TADA2B: variants seen among roughly 807,000 people sequenced by gnomAD.
The protein encoded by TADA2B is transcriptional adaptor 2B, also known as transcriptional adapter 2-beta.
A neutral mutation model predicts 34.5 loss-of-function variants in TADA2B; 13 were observed. The observed-to-expected ratio is 0.38, with a 90% CI of 0.25 to 0.60. TADA2B has a LOEUF of 0.60. Ranked by LOEUF, TADA2B falls within the 20% of genes least tolerant of loss-of-function variation. The pLI is 0.65. For synonymous variants in TADA2B, 240 were observed against 243.4 expected, an observed-to-expected ratio of 0.99 and a Z score of 0.13; for missense variants, 442 against 575.0, an observed-to-expected ratio of 0.77 and a Z score of 2.37.
chr4:7,048,334 C>T (rs1188264087), intron 1 of TADA2B, among the ~76,000 whole-genome samples: 1 of 152,022 alleles, frequency 6.6e-6, no homozygotes, highest in East Asian at 1.9e-4. Flanking sequence ...GCAGGGCACG[C>T]AGAGGTGGTC....
chr4:7,048,021 A>C (rs540502933), intron 1 of TADA2B, among the ~76,000 whole-genome samples: 2 of 152,208 alleles, frequency 1.3e-5, no homozygotes, highest in African/African-American at 2.4e-5. Flanking sequence ...TTTCAACCCA[A>C]GGCTTCTGAC....
intron 1 of TADA2B, among the ~76,000 whole-genome samples, chr4:7,049,000 G>A (rs1276462801): frequency 6.6e-6 from 1 of 152,192 alleles, no homozygotes; most frequent in African/African-American, 2.4e-5. Context: ...ACCTCTTGGC[G>A]AATGTGAACA....
intron 1 of TADA2B, among the ~76,000 whole-genome samples, chr4:7,044,098 C>T (rs976348435): frequency 6.6e-6 from 1 of 152,286 alleles, no homozygotes; most frequent in Non-Finnish European, 1.5e-5. Context: ...ACGCTGGCTT[C>T]TGACAGCAGA....
chr4:7,057,443 A>C lies in TADA2B; in HGVS notation c.*2389A>C, dbSNP rs1375592040. 1 of 152,228 alleles carries C rather than the reference A, an allele frequency of 6.6e-6. No homozygotes were observed. The highest frequency in any genetic ancestry group is 1.5e-5 in the Non-Finnish European group (1 of 68,042). The allele number at this position is 152,228 out of a possible 1,614,324, so 9.4% of individuals were successfully genotyped here. On this transcript the variant is annotated 3_prime_UTR_variant, in exon 2 of 2. Transcript: ENST00000310074. The stretch of plus-strand genomic sequence containing the variant: ...GGCAGCTCAGAGCCTCCACATTTTT[A>C]TATTTAATTCTCATGATAAATTAGC...
At chr4:7,048,987 T>G (rs1723700665) in intron 1 of TADA2B, among the ~76,000 whole-genome samples, 1 of 152,232 alleles carries the variant, frequency 6.6e-6, no homozygotes, top group Non-Finnish European at 1.5e-5. Context: ...TTCGGTTGCC[T>G]CCACCTCTTG....
intron 1 of TADA2B, among the ~76,000 whole-genome samples, chr4:7,044,259 G>A (rs548997053): frequency 6.6e-6 from 1 of 152,176 alleles, no homozygotes; most frequent in African/African-American, 2.4e-5. Flanking sequence ...GAGAGCGGTG[G>A]GCGCCCTGCG....
chr4:7,051,742 C>T (rs944435944), intron 1 of TADA2B, among the ~76,000 whole-genome samples: 3 of 152,092 alleles, frequency 2.0e-5, no homozygotes, highest in Admixed American at 6.5e-5. Flanking sequence ...GGACTACAGG[C>T]GCCCGCCACC....
Position 7,054,991 on chromosome 4 carries a change from C to T in TADA2B, c.1200C>T (p.Val400=), listed in dbSNP as rs1723856115. 2 of 1,613,120 alleles carry T rather than the reference C, an allele frequency of 1.2e-6. No individual in the cohort carries two copies. The highest frequency in any genetic ancestry group is 1.7e-6 in the Non-Finnish European group (2 of 1,179,698). The change falls in exon 2 of 2, where the codon GTC becomes GTT. Residue 400 remains valine (V), a synonymous_variant. Transcript: ENST00000310074. ...GCCTTCCTAGCTACCTGGACAAAGT[C>T]CTAAAGAAAAGGATTTTGAATTTCC... ...KSRLPSYLDK[V]LKKRILNFLT...
Position 7,043,656 on chromosome 4 carries a change from G to T in TADA2B, c.77G>T (p.Cys26Phe). The stretch of plus-strand genomic sequence containing the variant: ...CCGCTGCGCTTCCGCTGCACCGAGT[G>T]CCAGGACATCGAGCTGTGCCCCGAG... ...VSPLRFRCTECQDIELCPECF... is the reference protein window; with the variant it reads ...VSPLRFRCTEFQDIELCPECF... Residue 26 changes from cysteine to phenylalanine, a missense_variant, in exon 1 of 2, where the codon TGC becomes TTC. Cys to Phe is a radical substitution (Grantham distance 205, BLOSUM62 -2). Around this residue, in one of 4 missense-constraint regions of TADA2B, gnomAD observed 102 missense variants for 177.2 expected, o/e 0.58. Transcript: ENST00000310074. The T allele has an allele frequency of 6.4e-7, 1 of 1,573,982 alleles. No individual in the cohort carries two copies.
Position 7,054,775 on chromosome 4 carries a change from A to G in TADA2B, c.984A>G (p.Lys328=), listed in dbSNP as rs780794883. 2 of 1,613,806 alleles carry G rather than the reference A, an allele frequency of 1.2e-6. No individual in the cohort carries two copies. The highest frequency in any genetic ancestry group is 2.2e-5 in the South Asian group (2 of 91,088). ...RKENKNLAGS[K]RGKEDGKDSE... ...AGAACAAAAACCTAGCCGGCTCCAA[A>G]CGGGGAAAGGAGGACGGCAAAGACA... The change falls in exon 2 of 2, where the codon AAA becomes AAG. Residue 328 remains lysine (K), a synonymous_variant. Coordinates refer to ENST00000310074, the MANE Select transcript of TADA2B (RefSeq NM_152293.3).
chr4:7,046,739 G>C (rs1013513484), intron 1 of TADA2B, among the ~76,000 whole-genome samples: 2 of 152,224 alleles, frequency 1.3e-5, no homozygotes, highest in Non-Finnish European at 2.9e-5. Flanking sequence ...CGACAGTGAT[G>C]TGACGAAAGA....
intron 1 of TADA2B, 157 bp from the exon 2 acceptor site, chr4:7,053,905 T>G: frequency 1.3e-6 from 1 of 757,544 alleles, no homozygotes; most frequent in Non-Finnish European, 2.1e-6. Flanking sequence ...GCCCAGCTCA[T>G]AAGACAGTGT....
Position 7,043,678 on chromosome 4 carries a change from C to T in TADA2B, c.99C>T (p.Pro33=). ...AGTGCCAGGACATCGAGCTGTGCCCCGAGTGCTTCTCGGCCGGCGCCGAGA... is the reference window on the plus strand; with the variant it reads ...AGTGCCAGGACATCGAGCTGTGCCCTGAGTGCTTCTCGGCCGGCGCCGAGA... The part of the protein sequence containing the change: ...CTECQDIELC[P]ECFSAGAEIG... The change falls in exon 1 of 2, where the codon CCC becomes CCT. Residue 33 remains proline (P), a synonymous_variant. Transcript: ENST00000310074. 1 of 1,586,028 alleles carries T rather than the reference C, an allele frequency of 6.3e-7. No individual in the cohort carries two copies. The highest frequency in any genetic ancestry group is 8.6e-7 in the Non-Finnish European group (1 of 1,169,130).
rs1039621782 is a variant in TADA2B, at chr4:7,055,585, C to T, written c.*531C>T. On this transcript the variant is annotated 3_prime_UTR_variant, in exon 2 of 2. Coordinates refer to ENST00000310074, the MANE Select transcript of TADA2B (RefSeq NM_152293.3). The stretch of plus-strand genomic sequence containing the variant: ...GGGCCCAGACTCCTCCGCTGTGTAG[C>T]AGATGAGGAAAATCAGGCCAGAGGA... The T allele has an allele frequency of 1.3e-5, 2 of 153,212 alleles. No individual in the cohort carries two copies. The highest frequency in any genetic ancestry group is 4.8e-5 in the African/African-American group (2 of 41,462). 9.5% of individuals were successfully genotyped at this position (153,212 alleles called of 1,614,324 possible). A position where few individuals can be genotyped will look rare whatever the true frequency, so the allele number is the denominator to read the frequency against.
chr4:7,051,084 A>C (rs1263930059), intron 1 of TADA2B, among the ~76,000 whole-genome samples: 1 of 152,100 alleles, frequency 6.6e-6, no homozygotes, highest in Admixed American at 6.5e-5. Context: ...TGTTGTTTTA[A>C]ATTTTATTGG....
At position 7,056,047 on chromosome 4, in the gene TADA2B, A is replaced by G. The variant is rs1723885588; in HGVS notation, c.*993A>G. On this transcript the variant is annotated 3_prime_UTR_variant, in exon 2 of 2. Transcript: ENST00000310074. ...GTACCTTTCCACTGAAAATATGAGC[A>G]TGCCCGCCTGGCTAGTAGGCATCTG... 6.6e-6 allele frequency: 1 copy of G among 152,432 alleles called. No individual in the cohort carries two copies. The highest frequency in any genetic ancestry group is 1.5e-5 in the Non-Finnish European group (1 of 68,042). The allele number at this position is 152,432 out of a possible 1,614,324, so 9.4% of individuals were successfully genotyped here.
At chr4:7,048,768 C>T (rs1264588678) in intron 1 of TADA2B, among the ~76,000 whole-genome samples, 4 of 152,156 alleles carry the variant, frequency 2.6e-5, no homozygotes, top group African/African-American at 9.7e-5. Context: ...CCTGGCACCC[C>T]CATTCTACTT....
chr4:7,044,713 C>G (rs1038306030), intron 1 of TADA2B, among the ~76,000 whole-genome samples: 1 of 152,174 alleles, frequency 6.6e-6, no homozygotes, highest in Admixed American at 6.5e-5. Flanking sequence ...TGGCCATCCC[C>G]GGGCACCCTG....
At chr4:7,050,351 T>A (rs3951347) in intron 1 of TADA2B, among the ~76,000 whole-genome samples, 146,824 of 152,360 alleles carry the variant, frequency 0.96, 70,791 homozygotes, top group East Asian at 1. Context: ...CTCTGCCCGC[T>A]GAATGCCCTT....
Sources: allele counts gnomAD v4.1 joint callset (sites outside exome capture counted in the v4.1 genomes callset), GRCh38; gene constraint gnomAD v4.1.1; regional missense constraint gnomAD v4.1.1; transcripts MANE v1.5; gene names NCBI Gene and HGNC (gene_info 2026-07-23, HGNC 2026-07-21).